Variants in LHX6 observed in about 807,000 individuals in gnomAD.
LHX6 encodes LIM homeobox 6.
LHX6 carries 15 observed loss-of-function variants against 47.1 expected under a neutral mutation model. That is an observed-to-expected ratio of 0.32 (90% CI 0.21 to 0.49). LHX6 has a LOEUF of 0.49. LHX6 is among the 20% of genes least tolerant of loss of function. The pLI, the probability that LHX6 is intolerant of heterozygous loss-of-function variation, is 0.99. For synonymous variants in LHX6, 242 were observed against 233.5 expected (o/e 1.04, Z -0.33); for missense variants, 404 against 539.6 (o/e 0.75, Z 2.49).
intron 4 of LHX6, among the ~76,000 whole-genome samples, chr9:122,219,467 T>TC (rs1830736282): frequency 6.6e-6 from 1 of 151,834 alleles, no homozygotes; most frequent in Non-Finnish European, 1.5e-5. Flanking sequence ...CCCAGCCTAC[T>TC]CCCCCTCGAA....
At chr9:122,220,679 T>TG (rs1830814977) in intron 4 of LHX6, among the ~76,000 whole-genome samples, 1 of 152,184 alleles carries the variant, frequency 6.6e-6, no homozygotes, top group African/African-American at 2.4e-5. Flanking sequence ...TCCCGGCGTG[T>TG]GAAGGACCTA....
intron 4 of LHX6, among the ~76,000 whole-genome samples, chr9:122,223,775 A>G (rs941491555): frequency 1.3e-5 from 2 of 152,214 alleles, no homozygotes; most frequent in Non-Finnish European, 2.9e-5. Context: ...CTAGTAAAGC[A>G]CAGTATCCAA....
intron 9 of LHX6, among the ~76,000 whole-genome samples, chr9:122,207,013 C>T (rs959128082): frequency 2.0e-5 from 3 of 152,202 alleles, no homozygotes; most frequent in African/African-American, 7.2e-5. Flanking sequence ...TCCAGCTGCC[C>T]ATTCCCCTGC....
At chr9:122,223,875 G>A (rs1830978691) in intron 4 of LHX6, among the ~76,000 whole-genome samples, 1 of 152,182 alleles carries the variant, frequency 6.6e-6, no homozygotes, top group African/African-American at 2.4e-5. Flanking sequence ...CAAATCTATT[G>A]TTAGGAGAGC....
chr9:122,221,965 C>T (rs769532528), intron 4 of LHX6, among the ~76,000 whole-genome samples: 1 of 152,186 alleles, frequency 6.6e-6, no homozygotes, highest in Non-Finnish European at 1.5e-5. Context: ...TCGATCCCAC[C>T]CCCACGCCAC....
intron 4 of LHX6, among the ~76,000 whole-genome samples, chr9:122,224,246 C>T (rs1034041043): frequency 2.6e-5 from 4 of 152,036 alleles, no homozygotes; most frequent in African/African-American, 9.7e-5. Flanking sequence ...AGGATGGTCT[C>T]GATCTCCTGA....
At position 122,226,411 on chromosome 9, in the gene LHX6, C is replaced by T. The variant is rs1395931553; in HGVS notation, c.426G>A (p.Lys142=). 1 of 1,613,776 alleles carries T rather than the reference C, an allele frequency of 6.2e-7. No homozygotes were observed. The highest frequency in any genetic ancestry group is 2.2e-5 in the East Asian group (1 of 44,866). ...SLRQQNSCYI[K]NKEIFCKMDY... is the part of the protein sequence containing the mutation. Reference sequence around the variant, plus strand: ...CCATCTTGCAGAAGATCTCCTTGTTCTTGATGTAGCAGCTGTTCTGCTGCC... The same window carrying T: ...CCATCTTGCAGAAGATCTCCTTGTTTTTGATGTAGCAGCTGTTCTGCTGCC... The change falls in exon 4 of 10, where the codon AAG becomes AAA. Residue 142 remains lysine, a synonymous_variant. Coordinates refer to ENST00000394319, the MANE Select transcript of LHX6 (RefSeq NM_014368.5). The surrounding 1 kb of genome is among the most constrained non-coding windows in gnomAD (Gnocchi z 6.5).
intron 9 of LHX6, among the ~76,000 whole-genome samples, chr9:122,206,943 T>C (rs1830202607): frequency 6.6e-6 from 1 of 152,100 alleles, no homozygotes; most frequent in Non-Finnish European, 1.5e-5. Flanking sequence ...GTCCCCTGTC[T>C]CTCCCCTAGA....
intron 1 of LHX6, chr9:122,228,146 C>T (rs1831188778): frequency 2.4e-6 from 2 of 847,006 alleles, no homozygotes; most frequent in African/African-American, 1.8e-5. Context: ...GAAATTGAAG[C>T]AGCTATATTG....
intron 4 of LHX6, among the ~76,000 whole-genome samples, chr9:122,219,776 C>A (rs1830761444): frequency 6.6e-6 from 1 of 152,182 alleles, no homozygotes; most frequent in Non-Finnish European, 1.5e-5. Context: ...GGTTGAGACC[C>A]CCTCCAAGGT....
Position 122,214,245 on chromosome 9 carries a change from C to T in LHX6, c.783+38G>A, listed in dbSNP as rs778996455. ...TTGTCGGCCCCGCCCACTTTCGGCC[C>T]GGCCCCCGCCCCCGCCGCCCACTGC... On this transcript the variant is annotated intron_variant, in intron 6 of 9. Transcript: ENST00000394319. This position sits in a 1 kb window ranked among gnomAD's most constrained non-coding sequence, Gnocchi z 4.6. The T allele has an allele frequency of 4.1e-5, 63 of 1,524,666 alleles. No homozygotes were observed. Among genetic ancestry groups the T allele is most frequent in the Non-Finnish European group, 3.4e-5 (39 of 1,139,908 alleles). The allele number at this position is 1,524,666 out of a possible 1,614,324, so 94.4% of individuals were successfully genotyped here.
intron 5 of LHX6, among the ~76,000 whole-genome samples, chr9:122,215,487 T>A (rs1026880960): frequency 2.0e-5 from 3 of 152,152 alleles, no homozygotes; most frequent in Non-Finnish European, 4.4e-5. Context: ...GTTAAGTCTG[T>A]GGACAGGTGT....
Position 122,214,470 on chromosome 9 carries a change from T to G in LHX6, c.683-87A>C. The G allele has an allele frequency of 7.1e-7, 1 of 1,418,372 alleles. No individual in the cohort carries two copies. The highest frequency in any genetic ancestry group is 9.2e-7 in the Non-Finnish European group (1 of 1,090,796). The allele number at this position is 1,418,372 out of a possible 1,614,324, so 87.9% of individuals were successfully genotyped here. ...GACGGGGGTGGGGGGAGCTTGTCCC[T>G]GGAAGGGTCAGGAGCGGGAGTTGGC... On this transcript the variant is annotated intron_variant, in intron 5 of 9. Coordinates refer to ENST00000394319, the MANE Select transcript of LHX6 (RefSeq NM_014368.5). This position sits in a 1 kb window ranked among gnomAD's most constrained non-coding sequence, Gnocchi z 4.6.
rs1281159414 is a variant in LHX6, at chr9:122,226,994, C to T, written c.193G>A (p.Asp65Asn). ...GGGGAGGCCTGACCCTCGTCCTTGT[C>T]CAGAGCTCCTGCCAGGGCCTCGGCG... is the stretch of plus-strand genomic sequence containing the variant. Reference protein sequence around the residue: ...SDAEALAGALDKDEGQASPCT... With the variant: ...SDAEALAGALNKDEGQASPCT... The change falls in exon 3 of 10, where the codon GAC (aspartate) becomes AAC (asparagine). Residue 65 changes from aspartate (D) to asparagine (N), a missense_variant. Coordinates refer to ENST00000394319, the MANE Select transcript of LHX6 (RefSeq NM_014368.5). The surrounding 1 kb of genome is among the most constrained non-coding windows in gnomAD (Gnocchi z 6.5). 1.3e-6 allele frequency: 2 copies of T among 1,530,972 alleles called. No individual in the cohort carries two copies. Among genetic ancestry groups the T allele is most frequent in the Non-Finnish European group, 8.8e-7 (1 of 1,136,416 alleles). 94.8% of individuals were successfully genotyped at this position (1,530,972 alleles called of 1,614,324 possible).
In LHX6 at chr9:122,228,781, G is replaced by A. The variant is rs1257477202; in HGVS notation, c.-41C>T. 2 of 1,207,750 alleles carry A rather than the reference G, an allele frequency of 1.7e-6. No individual in the cohort carries two copies. The allele number at this position is 1,207,750 out of a possible 1,614,324, so 74.8% of individuals were successfully genotyped here. On this transcript the variant is annotated 5_prime_UTR_variant, in exon 1 of 10. Transcript: ENST00000394319. The stretch of plus-strand genomic sequence containing the variant: ...GGGCTCAGCGGGCGCGCAGCGCGGA[G>A]AGCTGCGCCGAGGGGGACCACAGCC...
intron 4 of LHX6, among the ~76,000 whole-genome samples, chr9:122,219,867 G>A (rs1830765690): frequency 6.6e-6 from 1 of 152,240 alleles, no homozygotes; most frequent in African/African-American, 2.4e-5. Context: ...ACAGGAAGCG[G>A]GGCTGGTCTG....
chr9:122,224,816 C>T lies in LHX6; in HGVS notation c.461+1560G>A, dbSNP rs558619181. Among the ~76,000 whole-genome samples, 3 of 152,248 alleles carry T rather than the reference C, an allele frequency of 2.0e-5. No individual in the cohort carries two copies. In the South Asian group the frequency reaches 6.2e-4, roughly 32 times the overall value. On this transcript the variant is annotated intron_variant, in intron 4 of 9. Transcript: ENST00000394319. ...GTTGGTCCATAAAGGAACACACATG[C>T]TATCTACATACCCCCAACCCTGCCC...
intron 8 of LHX6, among the ~76,000 whole-genome samples, chr9:122,211,874 C>A (rs548396557): frequency 9.8e-5 from 15 of 152,324 alleles, no homozygotes; most frequent in African/African-American, 3.4e-4. Flanking sequence ...GTACTTATAG[C>A]GCCCCTGATC....
Position 122,226,230 on chromosome 9 carries a change from C to T in LHX6, c.461+146G>A. 1 of 1,091,540 alleles carries T rather than the reference C, an allele frequency of 9.2e-7. No individual in the cohort carries two copies. The highest frequency in any genetic ancestry group is 1.3e-6 in the Non-Finnish European group (1 of 787,650). 67.6% of individuals were successfully genotyped at this position (1,091,540 alleles called of 1,614,324 possible). On this transcript the variant is annotated intron_variant, in intron 4 of 9. Coordinates refer to ENST00000394319, the MANE Select transcript of LHX6 (RefSeq NM_014368.5). The surrounding 1 kb of genome is among the most constrained non-coding windows in gnomAD (Gnocchi z 6.5). ...AGCTCTGGGTTCGCGCCGCTGAGCG[C>T]CGGCAGGTTGGACCAGCGCTGCGCG... is the stretch of plus-strand genomic sequence containing the variant.
Sources: gnomAD v4.1 joint callset for allele counts (sites outside exome capture counted in the v4.1 genomes callset) on GRCh38, gnomAD v4.1.1 for gene constraint, Gnocchi (gnomAD v3.1) non-coding constraint, MANE v1.5 for transcripts, NCBI Gene and HGNC (gene_info 2026-07-23, HGNC 2026-07-21) for gene names.